The following MAPKAPK2 variants were observed in gnomAD, a reference collection of about 807,000 sequenced individuals.
The protein encoded by MAPKAPK2 is MAP kinase-activated protein kinase 2.
A neutral mutation model predicts 48.8 loss-of-function variants in MAPKAPK2; 9 were observed. The ratio of observed to expected loss-of-function variants is 0.18; its 90% CI spans 0.11 to 0.32. MAPKAPK2 has a LOEUF of 0.32. Ranked by LOEUF, MAPKAPK2 falls within the 10% of genes least tolerant of loss-of-function variation. The pLI, the probability that MAPKAPK2 is intolerant of heterozygous loss-of-function variation, is 1.00. For synonymous variants in MAPKAPK2, 202 were observed against 190.6 expected (o/e 1.06, Z -0.49); for missense variants, 331 against 498.3 (o/e 0.66, Z 3.20).
chr1:206,686,105 G>C (rs1004269387), intron 1 of MAPKAPK2, among the ~76,000 whole-genome samples: 10 of 152,144 alleles, frequency 6.6e-5, no homozygotes, highest in Non-Finnish European at 8.8e-5. Context: ...GTGTCCCCCG[G>C]CTGCGGGGGC....
chr1:206,708,964 G>A (rs1673051428), intron 1 of MAPKAPK2, among the ~76,000 whole-genome samples: 1 of 152,226 alleles, frequency 6.6e-6, no homozygotes. Flanking sequence ...GTATAGATAT[G>A]ATAAAATTTG....
In MAPKAPK2 at chr1:206,685,313, G is replaced by T; in HGVS notation, c.84G>T (p.Leu28=). 1.1e-6 allele frequency: 1 copy of T among 898,942 alleles called. No individual in the cohort carries two copies. The highest frequency in any genetic ancestry group is 1.5e-6 in the Non-Finnish European group (1 of 662,386). The allele number at this position is 898,942 out of a possible 1,614,324, so 55.7% of individuals were successfully genotyped here. The change falls in exon 1 of 10, where the codon CTG becomes CTT. Residue 28 remains leucine, a synonymous_variant. Transcript: ENST00000367103. ...APPPQPPTPA[L]PHPPAQPPPP... The stretch of plus-strand genomic sequence containing the variant: ...CGCCGCAGCCCCCCACCCCTGCCCT[G>T]CCGCACCCCCCGGCGCAGCCGCCGC...
At chr1:206,695,756 ATCTCTC>A (rs549853933) in intron 1 of MAPKAPK2, 5 of 209,078 alleles carry the variant, frequency 2.4e-5, no homozygotes, top group East Asian at 1.4e-4. Context: ...TGTGCAAGGC[ATCTCTC>A]TCTCTCTCTC....
At position 206,691,504 on chromosome 1, in the gene MAPKAPK2, T is replaced by TATATATATATATATACAC. The variant is rs1424297313; in HGVS notation, c.279+5997_279+5998insTATATATATATATACACA. ...TAAGATATATATATATATATATATA[T>TATATATATATATATACAC]ACACACATACACAGATATAGATATG... On this transcript the variant is annotated intron_variant, in intron 1 of 9. Transcript: ENST00000367103. Among the ~76,000 whole-genome samples, 311 of 112,138 alleles carry TATATATATATATATACAC rather than the reference T, an allele frequency of 2.8e-3. 3 individuals carry two copies. The highest frequency in any genetic ancestry group is 9.1e-3 in the Middle Eastern group (2 of 220). The allele number at this position is 112,138 out of a possible 152,430, so 73.6% of individuals were successfully genotyped here.
intron 1 of MAPKAPK2, among the ~76,000 whole-genome samples, chr1:206,725,620 G>A (rs1673680363): frequency 2.6e-5 from 4 of 152,192 alleles, no homozygotes; most frequent in African/African-American, 9.7e-5. Flanking sequence ...CTCTCTGTGA[G>A]GCTGTGCAAG....
At chr1:206,723,440 T>C (rs1553431488) in intron 1 of MAPKAPK2, among the ~76,000 whole-genome samples, 1 of 152,176 alleles carries the variant, frequency 6.6e-6, no homozygotes. Context: ...ACTATTACTG[T>C]CCTATTAATG....
intron 1 of MAPKAPK2, among the ~76,000 whole-genome samples, chr1:206,689,747 A>G (rs1672396692): frequency 6.6e-6 from 1 of 152,216 alleles, no homozygotes; most frequent in Non-Finnish European, 1.5e-5. Flanking sequence ...AATTAACATG[A>G]ATGGATTAAA....
chr1:206,694,205 A>G (rs1262647961), intron 1 of MAPKAPK2, among the ~76,000 whole-genome samples: 2 of 152,174 alleles, frequency 1.3e-5, no homozygotes, highest in Non-Finnish European at 2.9e-5. Context: ...GGAGGGCTCT[A>G]TGTCTGCTTT....
intron 1 of MAPKAPK2, among the ~76,000 whole-genome samples, chr1:206,727,687 C>T (rs899257050): frequency 1.3e-5 from 2 of 151,984 alleles, no homozygotes; most frequent in Non-Finnish European, 2.9e-5. Flanking sequence ...GTGGCGTGAT[C>T]TCGGCTCGCT....
In MAPKAPK2 at chr1:206,731,512, C is replaced by A; in HGVS notation, c.893-128C>A. The A allele has an allele frequency of 9.2e-7, 1 of 1,082,644 alleles. No homozygotes were observed. Among genetic ancestry groups the A allele is most frequent in the East Asian group, 2.4e-5 (1 of 42,216 alleles). 67.1% of individuals were successfully genotyped at this position (1,082,644 alleles called of 1,614,324 possible). A position where few individuals can be genotyped will look rare whatever the true frequency, so the allele number is the denominator to read the frequency against. On this transcript the variant is annotated intron_variant, in intron 7 of 9. Coordinates refer to ENST00000367103, the MANE Select transcript of MAPKAPK2 (RefSeq NM_032960.4). This position sits in a 1 kb window ranked among gnomAD's most constrained non-coding sequence, Gnocchi z 5.9. The stretch of plus-strand genomic sequence containing the variant: ...GTACAGCCGTAATGGTCCTTGGGGC[C>A]AGTTGCTCCGGCAGCCTGCCTCCAT...
chr1:206,730,755 G>A lies in MAPKAPK2; in HGVS notation c.759G>A (p.Met253Ile). Residue 253 changes from methionine to isoleucine, a missense_variant, in exon 6 of 10, where the codon ATG becomes ATA. Physicochemically the swap from Met to Ile is conservative, Grantham distance 10 (BLOSUM62 1). Around this residue, in one of 4 missense-constraint regions of MAPKAPK2, gnomAD observed 124 missense variants for 194.6 expected, o/e 0.64. Coordinates refer to ENST00000367103, the MANE Select transcript of MAPKAPK2 (RefSeq NM_032960.4). ...ACATGTGGTCCCTGGGTGTCATCAT[G>A]TACATCCTGTGAGTGTGCTGGGGAG... is the stretch of plus-strand genomic sequence containing the variant. ...SCDMWSLGVIMYILLCGYPPF... is the reference protein window; with the variant it reads ...SCDMWSLGVIIYILLCGYPPF... The A allele has an allele frequency of 4.2e-6, 4 of 961,224 alleles. No individual in the cohort carries two copies. The highest frequency in any genetic ancestry group is 6.2e-6 in the Non-Finnish European group (4 of 642,028). 59.5% of individuals were successfully genotyped at this position (961,224 alleles called of 1,614,324 possible).
chr1:206,697,136 A>T (rs1463963356), intron 1 of MAPKAPK2, among the ~76,000 whole-genome samples: 1 of 152,156 alleles, frequency 6.6e-6, no homozygotes, highest in African/African-American at 2.4e-5. Context: ...CTGTTCAGTC[A>T]TGGAGATGAC....
chr1:206,729,811 C>T (rs1673841170), intron 4 of MAPKAPK2, among the ~76,000 whole-genome samples, 161 bp from the exon 5 acceptor site: 1 of 152,248 alleles, frequency 6.6e-6, no homozygotes. Context: ...GAGGCAGGCA[C>T]CTGCCCATAG....
At chr1:206,729,934 C>T (rs532814859) in intron 4 of MAPKAPK2, 38 bp from the exon 5 acceptor site, 1 of 1,613,764 alleles carries the variant, frequency 6.2e-7, no homozygotes, top group East Asian at 2.2e-5. Flanking sequence ...CCTCCCAGGT[C>T]CAGCAGGGTT....
chr1:206,729,516 G>A, intron 4 of MAPKAPK2, 41 bp downstream of exon 4: 1 of 1,554,168 alleles, frequency 6.4e-7, no homozygotes. Context: ...TGCTGTGGGG[G>A]GCAACAAAGG....
chr1:206,727,450 A>C (rs1673736809), intron 1 of MAPKAPK2, among the ~76,000 whole-genome samples: 1 of 152,194 alleles, frequency 6.6e-6, no homozygotes, highest in South Asian at 2.1e-4. Flanking sequence ...ATCCCTGGTG[A>C]TGGCAGCGAG....
At chr1:206,711,090 G>A (rs908811053) in intron 1 of MAPKAPK2, among the ~76,000 whole-genome samples, 7 of 152,210 alleles carry the variant, frequency 4.6e-5, no homozygotes, top group African/African-American at 1.7e-4. Context: ...CCGCATTACT[G>A]TGCAAAGCAA....
chr1:206,702,659 A>G (rs1415893128), intron 1 of MAPKAPK2, among the ~76,000 whole-genome samples: 5 of 152,198 alleles, frequency 3.3e-5, no homozygotes, highest in African/African-American at 1.2e-4. Flanking sequence ...GACAGATGTC[A>G]TTTCTGTTTA....
chr1:206,705,434 G>C (rs1672925006), intron 1 of MAPKAPK2, among the ~76,000 whole-genome samples: 1 of 152,198 alleles, frequency 6.6e-6, no homozygotes, highest in Non-Finnish European at 1.5e-5. Context: ...CCTGCTGGAG[G>C]GCCAGGCTGC....
Sources: allele counts gnomAD v4.1 joint callset (sites outside exome capture counted in the v4.1 genomes callset), GRCh38; gene constraint gnomAD v4.1.1; regional missense constraint gnomAD v4.1.1; non-coding constraint Gnocchi (gnomAD v3.1); transcripts MANE v1.5; gene names NCBI Gene and HGNC (gene_info 2026-07-23, HGNC 2026-07-21).